The following MMP26 variants were observed in gnomAD, a reference collection of about 807,000 sequenced individuals.
The protein encoded by MMP26 is matrix metallopeptidase 26, also known as matrix metalloproteinase-26.
MMP26 carries 33 observed loss-of-function variants against 31.0 expected under a neutral mutation model. The ratio of observed to expected loss-of-function variants is 1.06; its 90% CI spans 0.81 to 1.42. MMP26 has a LOEUF of 1.42. Among genes scored for constraint, MMP26 ranks in the 40% most tolerant of loss-of-function variants. The probability of loss-of-function intolerance (pLI) is 0.00; values close to 1 mark genes in which losing one functional copy is unlikely to be tolerated. For synonymous variants in MMP26, 122 were observed against 114.9 expected, an observed-to-expected ratio of 1.06 and a Z score of -0.40; for missense variants, 347 against 316.1, an observed-to-expected ratio of 1.10 and a Z score of -0.74.
chr11:4,794,446 G>A (rs1384109618), intron 2 of MMP26, among the ~76,000 whole-genome samples: 1 of 152,108 alleles, frequency 6.6e-6, no homozygotes, highest in Non-Finnish European at 1.5e-5. Flanking sequence ...TTCCTCATAG[G>A]TTGAGTACTA....
At chr11:4,908,143 T>G in intron 2 of MMP26, 1 of 1,614,208 alleles carries the variant, frequency 6.2e-7, no homozygotes, top group African/African-American at 1.3e-5. Context: ...TCACCCTGGC[T>G]GCCATGCATC....
chr11:4,864,442 C>A (rs1850207638), intron 2 of MMP26, among the ~76,000 whole-genome samples: 1 of 152,068 alleles, frequency 6.6e-6, no homozygotes, highest in Admixed American at 6.6e-5. Flanking sequence ...ATAATCACAG[C>A]AGAAAACAAA....
intron 1 of MMP26, among the ~76,000 whole-genome samples, chr11:4,744,103 C>CT (rs1248697318): frequency 1.3e-5 from 2 of 152,022 alleles, no homozygotes; most frequent in African/African-American, 4.8e-5. Context: ...CCTAGCAGGA[C>CT]TATTCTTACT....
intron 2 of MMP26, among the ~76,000 whole-genome samples, chr11:4,920,383 TCTC>T (rs765116939): frequency 1.3e-5 from 2 of 152,160 alleles, no homozygotes; most frequent in Non-Finnish European, 2.9e-5. Context: ...ATGCACTTCT[TCTC>T]CTCTTATTCA....
chr11:4,841,734 A>T (rs961209345), intron 2 of MMP26, among the ~76,000 whole-genome samples: 1 of 152,202 alleles, frequency 6.6e-6, no homozygotes, highest in Admixed American at 6.5e-5. Context: ...GGAGTTCGAG[A>T]CCAGTCTGAC....
chr11:4,754,828 GC>G (rs112690266), intron 1 of MMP26, among the ~76,000 whole-genome samples: 10,203 of 151,870 alleles, frequency 0.067, 627 homozygotes, highest in African/African-American at 0.16. Flanking sequence ...GAATATTAGA[GC>G]CACATGTCTA....
At chr11:4,858,648 C>T (rs1370228236) in intron 2 of MMP26, among the ~76,000 whole-genome samples, 1 of 152,066 alleles carries the variant, frequency 6.6e-6, no homozygotes, top group Non-Finnish European at 1.5e-5. Context: ...CCATACTGCC[C>T]AAAGTAATTT....
chr11:4,882,753 T>TA, intron 2 of MMP26: 1 of 1,613,966 alleles, frequency 6.2e-7, no homozygotes, highest in Non-Finnish European at 8.5e-7. Context: ...TATCTGCTCT[T>TA]ACCACCTGTG....
intron 2 of MMP26, among the ~76,000 whole-genome samples, chr11:4,904,665 A>G (rs966802881): frequency 2.0e-5 from 3 of 152,140 alleles, no homozygotes; most frequent in Non-Finnish European, 2.9e-5. Flanking sequence ...AAGTTCATCC[A>G]CATCCAAATG....
intron 1 of MMP26, chr11:4,711,207 C>A (rs1334698763): frequency 1.3e-5 from 2 of 152,040 alleles, no homozygotes; most frequent in African/African-American, 4.8e-5. Context: ...AGGGTACTGA[C>A]CTAATAAAAC....
chr11:4,863,919 T>TAGTC (rs140115159), intron 2 of MMP26, among the ~76,000 whole-genome samples: 2,480 of 152,308 alleles, frequency 0.016, 66 homozygotes, highest in African/African-American at 0.055. Context: ...TGCATAGTCT[T>TAGTC]AGGTGTGAAC....
chr11:4,752,444 G>GT, intron 1 of MMP26: 1 of 152,768 alleles, frequency 6.5e-6, no homozygotes, highest in Non-Finnish European at 1.5e-5. Flanking sequence ...GGTGGAAACA[G>GT]TAGGAGTGGC....
At chr11:4,863,252 C>T (rs1029880487) in intron 2 of MMP26, among the ~76,000 whole-genome samples, 1 of 151,896 alleles carries the variant, frequency 6.6e-6, no homozygotes, top group African/African-American at 2.4e-5. Context: ...TCATTCTTAT[C>T]TCCATTCTTC....
chr11:4,835,143 T>A (rs1427667115), intron 2 of MMP26, among the ~76,000 whole-genome samples: 2 of 151,614 alleles, frequency 1.3e-5, no homozygotes, highest in African/African-American at 4.9e-5. Flanking sequence ...GAACTTATGA[T>A]CCCTGTTATG....
At chr11:4,891,973 G>GA (rs1243657879) in intron 2 of MMP26, among the ~76,000 whole-genome samples, 1 of 152,042 alleles carries the variant, frequency 6.6e-6, no homozygotes, top group Non-Finnish European at 1.5e-5. Context: ...ATGTATTTGA[G>GA]AGTTTTCATA....
chr11:4,941,278 T>C (rs1269664603), intron 2 of MMP26, among the ~76,000 whole-genome samples: 3 of 152,180 alleles, frequency 2.0e-5, no homozygotes, highest in Admixed American at 6.5e-5. Flanking sequence ...AGCAACCACA[T>C]ATAGCCAGCC....
chr11:4,836,952 A>G (rs762726505), intron 2 of MMP26, among the ~76,000 whole-genome samples: 9 of 151,942 alleles, frequency 5.9e-5, no homozygotes, highest in Non-Finnish European at 1.2e-4. Flanking sequence ...CGCCTGGCCA[A>G]AGACCTCTTT....
chr11:4,926,732 A>G (rs150809329), intron 2 of MMP26, among the ~76,000 whole-genome samples: 1 of 152,176 alleles, frequency 6.6e-6, no homozygotes, highest in Non-Finnish European at 1.5e-5. Flanking sequence ...TATATTTTGG[A>G]TATGGGTAAG....
intron 2 of MMP26, among the ~76,000 whole-genome samples, chr11:4,894,360 C>G (rs1208647155): frequency 1.3e-5 from 2 of 152,018 alleles, no homozygotes; most frequent in African/African-American, 4.8e-5. Context: ...TGATTCTGAG[C>G]TTTTTAAACT....
Sources: allele counts gnomAD v4.1 joint callset (sites outside exome capture counted in the v4.1 genomes callset), GRCh38; gene constraint gnomAD v4.1.1; transcripts MANE v1.5; gene names NCBI Gene and HGNC (gene_info 2026-07-23, HGNC 2026-07-21).